EIF4ENIF1: variants seen among roughly 807,000 people sequenced by gnomAD.
The protein encoded by EIF4ENIF1 is eukaryotic translation initiation factor 4E nuclear import factor 1, also known as eukaryotic translation initiation factor 4E transporter.
A neutral mutation model predicts 110.5 loss-of-function variants in EIF4ENIF1; 23 were observed. The observed-to-expected ratio is 0.21, with a 90% CI of 0.15 to 0.29. The LOEUF is 0.29. Among genes scored for constraint, EIF4ENIF1 ranks in the 10% least tolerant of loss-of-function variants. EIF4ENIF1 has a pLI of 1.00. For synonymous variants in EIF4ENIF1, 440 were observed against 437.0 expected, an observed-to-expected ratio of 1.01 and a Z score of -0.09; for missense variants, 1,031 against 1,221.1, an observed-to-expected ratio of 0.84 and a Z score of 2.32.
intron 10 of EIF4ENIF1, among the ~76,000 whole-genome samples, chr22:31,452,282 A>G (rs2050697052): frequency 6.6e-6 from 1 of 152,202 alleles, no homozygotes; most frequent in South Asian, 2.1e-4. Context: ...ATGCAAATTG[A>G]GCAATATTTT....
chr22:31,461,257 C>G (rs968827500), intron 6 of EIF4ENIF1, among the ~76,000 whole-genome samples: 7 of 152,168 alleles, frequency 4.6e-5, no homozygotes, highest in Admixed American at 2.6e-4. Context: ...TCTACAGTGC[C>G]TCCTTCCCAA....
chr22:31,488,580 G>C, intron 2 of EIF4ENIF1, 43 bp downstream of exon 2: 2 of 1,612,640 alleles, frequency 1.2e-6, no homozygotes, highest in Non-Finnish European at 1.7e-6. Flanking sequence ...TACTAACTTC[G>C]CCACCTAAAA....
intron 2 of EIF4ENIF1, among the ~76,000 whole-genome samples, chr22:31,473,224 C>G (rs2051450728): frequency 6.6e-6 from 1 of 152,142 alleles, no homozygotes; most frequent in African/African-American, 2.4e-5. Context: ...CCTGAGTGAA[C>G]TATTTTCCCA....
chr22:31,438,117 C>T (rs190669273), downstream of EIF4ENIF1, among the ~76,000 whole-genome samples: 1 of 152,142 alleles, frequency 6.6e-6, no homozygotes, highest in African/African-American at 2.4e-5. Flanking sequence ...CCCTTGTAGT[C>T]AAAAATCCAA....
At chr22:31,476,277 G>A (rs2051567512) in intron 2 of EIF4ENIF1, among the ~76,000 whole-genome samples, 1 of 152,120 alleles carries the variant, frequency 6.6e-6, no homozygotes, top group Admixed American at 6.6e-5. Context: ...TTTCTAAGTG[G>A]TGTTTTGTTT....
chr22:31,489,157 G>T (rs1262184714), intron 1 of EIF4ENIF1: 1 of 157,720 alleles, frequency 6.3e-6, no homozygotes, highest in Non-Finnish European at 1.4e-5. Context: ...CCAATGGACG[G>T]CGCCAGCTGC....
intron 2 of EIF4ENIF1, among the ~76,000 whole-genome samples, chr22:31,481,055 G>A (rs570442285): frequency 2.6e-5 from 4 of 152,248 alleles, no homozygotes; most frequent in South Asian, 2.1e-4. Flanking sequence ...AAAAAGGAAC[G>A]GGTAGGAAAA....
At chr22:31,443,642 G>C (rs1446879362) in intron 15 of EIF4ENIF1, among the ~76,000 whole-genome samples, 6 of 152,122 alleles carry the variant, frequency 3.9e-5, no homozygotes, top group Admixed American at 3.9e-4. Flanking sequence ...GCAGGAGACA[G>C]GGCTTGACTT....
intron 10 of EIF4ENIF1, chr22:31,453,376 CTTTTTT>C: frequency 5.9e-5 from 19 of 322,294 alleles, no homozygotes; most frequent in South Asian, 9.8e-5. Context: ...ACCCATCTTA[CTTTTTT>C]TTTTTTTTTT....
At chr22:31,474,590 T>C (rs2051506132) in intron 2 of EIF4ENIF1, among the ~76,000 whole-genome samples, 1 of 152,068 alleles carries the variant, frequency 6.6e-6, no homozygotes, top group South Asian at 2.1e-4. Flanking sequence ...TCCTAGTTTC[T>C]TTAAGTGAGG....
chr22:31,480,452 G>A (rs1182688300), intron 2 of EIF4ENIF1, among the ~76,000 whole-genome samples: 2 of 152,170 alleles, frequency 1.3e-5, no homozygotes, highest in African/African-American at 4.8e-5. Context: ...TTTATGGAAG[G>A]GGGATTAAAA....
upstream of EIF4ENIF1, among the ~76,000 whole-genome samples, chr22:31,492,846 C>T (rs959481102): frequency 6.6e-6 from 1 of 152,060 alleles, no homozygotes; most frequent in African/African-American, 2.4e-5. Context: ...ATTCTCCTGC[C>T]TCAGCCTCCT....
intron 2 of EIF4ENIF1, among the ~76,000 whole-genome samples, chr22:31,473,979 T>A (rs2051481593): frequency 6.6e-6 from 1 of 152,148 alleles, no homozygotes; most frequent in Non-Finnish European, 1.5e-5. Context: ...GCACTTGGCA[T>A]CATACTGTAA....
chr22:31,448,068 T>C, intron 13 of EIF4ENIF1, 85 bp downstream of exon 13: 1 of 1,483,428 alleles, frequency 6.7e-7, no homozygotes, highest in Non-Finnish European at 9.4e-7. Context: ...TTTTTAAGAA[T>C]CACAACAGTT....
chr22:31,483,051 A>G (rs2051882715), intron 2 of EIF4ENIF1, among the ~76,000 whole-genome samples: 1 of 150,510 alleles, frequency 6.6e-6, no homozygotes, highest in Admixed American at 6.6e-5. Flanking sequence ...AGAAAACCAC[A>G]TGGATCTGAA....
chr22:31,483,209 CTTTT>C (rs60986284), intron 2 of EIF4ENIF1, among the ~76,000 whole-genome samples: 6 of 89,434 alleles, frequency 6.7e-5, no homozygotes, highest in Non-Finnish European at 6.6e-5. Context: ...AGGAGACGAT[CTTTT>C]TTTTTTTTTT....
chr22:31,477,447 TCCTC>T (rs1166460761), intron 2 of EIF4ENIF1, among the ~76,000 whole-genome samples: 1 of 152,138 alleles, frequency 6.6e-6, no homozygotes, highest in Non-Finnish European at 1.5e-5. Context: ...ATATAATCTT[TCCTC>T]TTAGAGTTAT....
rs187062700 is a variant in EIF4ENIF1 at position 31,456,513 on chromosome 22, A to G, written c.964-526T>C. On this transcript the variant is annotated intron_variant, in intron 7 of 18. Transcript: ENST00000330125. ...GCTGGGATTACAAGCATGAGCCACC[A>G]CACCCGGTCTACTATTTTTTTAAGA... is the stretch of plus-strand genomic sequence containing the variant. 9.8e-3 allele frequency among the ~76,000 whole-genome samples: 1,477 copies of G among 150,794 alleles called. 17 individuals carry two copies. The highest frequency in any genetic ancestry group is 0.024 in the African/African-American group (979 of 40,994).
chr22:31,447,788 T>C (rs1905150670), intron 13 of EIF4ENIF1, among the ~76,000 whole-genome samples: 1 of 152,184 alleles, frequency 6.6e-6, no homozygotes, highest in African/African-American at 2.4e-5. Context: ...GCTTGAAATA[T>C]AGATCAAAAC....
Sources: allele counts gnomAD v4.1 joint callset (sites outside exome capture counted in the v4.1 genomes callset), GRCh38; gene constraint gnomAD v4.1.1; transcripts MANE v1.5; gene names NCBI Gene and HGNC (gene_info 2026-07-23, HGNC 2026-07-21).